The following MPRIP variants were observed in gnomAD, a reference collection of about 807,000 sequenced individuals.
MPRIP encodes the protein myosin phosphatase Rho-interacting protein.
A neutral mutation model predicts 234.9 loss-of-function variants in MPRIP; 59 were observed. The observed-to-expected ratio is 0.25, with a 90% confidence interval of 0.20 to 0.31. The LOEUF (loss-of-function observed/expected upper bound fraction) is 0.31, where lower values mean the gene tolerates loss of function less well. MPRIP is among the 10% of genes least tolerant of loss of function. The pLI, the probability that MPRIP is intolerant of heterozygous loss-of-function variation, is 1.00. For synonymous variants in MPRIP, 1,144 were observed against 1,263.9 expected, an observed-to-expected ratio of 0.91 and a Z score of 2.01; for missense variants, 2,436 against 3,071.0, an observed-to-expected ratio of 0.79 and a Z score of 4.89.
At chr17:17,162,211 C>A (rs1269742036) in intron 15 of MPRIP, among the ~76,000 whole-genome samples, 1 of 152,210 alleles carries the variant, frequency 6.6e-6, no homozygotes, top group African/African-American at 2.4e-5. Context: ...CTGCTACTGA[C>A]CCCCAAAGCA....
chr17:17,180,110 C>T (rs1419678133), intron 23 of MPRIP, 22 bp downstream of exon 23: 1 of 1,550,648 alleles, frequency 6.4e-7, no homozygotes, highest in Non-Finnish European at 8.7e-7. Context: ...GTCCAGCCCC[C>T]TGGTGGGAGG....
In MPRIP at chr17:17,165,054, C is replaced by G. The variant is rs1224873995; in HGVS notation, c.3463C>G (p.Gln1155Glu). 15 of 1,302,494 alleles carry G rather than the reference C, an allele frequency of 1.2e-5. No individual in the cohort carries two copies. The highest frequency in any genetic ancestry group is 1.3e-5 in the Non-Finnish European group (13 of 988,946). 80.7% of individuals were successfully genotyped at this position (1,302,494 alleles called of 1,614,324 possible). A position where few individuals can be genotyped will look rare whatever the true frequency, so the allele number is the denominator to read the frequency against. ...LEHSYQRVSSQLQSMHTLLRE... is the reference protein window; with the variant it reads ...LEHSYQRVSSELQSMHTLLRE... ...GCACTCCTACCAGAGGGTCTCCAGC[C>G]AGCTGCAGAGCATGCACACTCTGCT... is the stretch of plus-strand genomic sequence containing the variant. The change falls in exon 16 of 24, where the codon CAG becomes GAG. Residue 1155 changes from glutamine to glutamate, a missense_variant. By Grantham distance (29) the Gln-to-Glu change is conservative. This residue lies in a region of MPRIP where 1,998 missense variants were observed against 2,520.3 expected (regional missense o/e 0.79). Transcript: ENST00000651222.
At chr17:17,099,227 G>C (rs1185876262) in intron 3 of MPRIP, among the ~76,000 whole-genome samples, 2 of 152,134 alleles carry the variant, frequency 1.3e-5, no homozygotes, top group Non-Finnish European at 2.9e-5. Flanking sequence ...GTCCTCTGCA[G>C]TCCCCTTCTT....
At chr17:17,163,397 G>A (rs1051831194) in intron 15 of MPRIP, among the ~76,000 whole-genome samples, 17 of 152,202 alleles carry the variant, frequency 1.1e-4, no homozygotes, top group East Asian at 7.7e-4. Context: ...TTTCATTTAC[G>A]TTGTGTTTTG....
chr17:17,136,711 T>A lies in MPRIP; in HGVS notation c.736+261T>A, dbSNP rs80254594. Reference sequence around the variant, plus strand: ...CTCCTGTTCTGTCAGCCCCAGTTGCTTGTCAGGAGAATCAAAAACGTTTTG... The same window carrying A: ...CTCCTGTTCTGTCAGCCCCAGTTGCATGTCAGGAGAATCAAAAACGTTTTG... On this transcript the variant is annotated intron_variant, in intron 6 of 23. Transcript: ENST00000651222. Among the ~76,000 whole-genome samples the A allele has an allele frequency of 0.085, 13,015 of 152,274 alleles. 705 individuals are homozygous for A. The highest frequency in any genetic ancestry group is 0.15 in the Middle Eastern group (45 of 294).
At chr17:17,143,526 G>A (rs1421182393) in intron 8 of MPRIP, 30 bp from the exon 9 acceptor site, 4 of 1,490,782 alleles carry the variant, frequency 2.7e-6, no homozygotes, top group Non-Finnish European at 2.8e-6. Context: ...GCCCTGGGCT[G>A]CACTGACCAG....
intron 3 of MPRIP, among the ~76,000 whole-genome samples, chr17:17,104,873 C>T (rs1454727831): frequency 6.6e-6 from 1 of 152,142 alleles, no homozygotes; most frequent in Non-Finnish European, 1.5e-5. Context: ...TTTCCCTGAG[C>T]CCACTCTGGG....
chr17:17,128,145 C>A (rs2090529201), intron 4 of MPRIP, among the ~76,000 whole-genome samples: 1 of 152,238 alleles, frequency 6.6e-6, no homozygotes, highest in Non-Finnish European at 1.5e-5. Flanking sequence ...TCTGCACTTT[C>A]TGGCTCACAC....
chr17:17,153,746 A>G (rs1340147421), intron 12 of MPRIP, among the ~76,000 whole-genome samples: 3 of 152,000 alleles, frequency 2.0e-5, no homozygotes, highest in African/African-American at 7.2e-5. Flanking sequence ...CATCACTTGG[A>G]CAGCTGCAGT....
At chr17:17,049,267 G>T (rs2088455584) in intron 1 of MPRIP, among the ~76,000 whole-genome samples, 1 of 152,216 alleles carries the variant, frequency 6.6e-6, no homozygotes, top group South Asian at 2.1e-4. Context: ...AGATAAAAGT[G>T]CTGGTTGCAC....
chr17:17,047,853 G>T (rs1171037462), intron 1 of MPRIP, among the ~76,000 whole-genome samples: 1 of 152,188 alleles, frequency 6.6e-6, no homozygotes, highest in Non-Finnish European at 1.5e-5. Context: ...CTGAAATCAT[G>T]GGAGTGAGTG....
In MPRIP at chr17:17,145,047, C is replaced by T. The variant is rs150297478; in HGVS notation, c.1504-989C>T. ...GATTGGGTGCTTCAAATAACTCTGG[C>T]GGCAAGGACAGTTGCACAGCTTGGC... On this transcript the variant is annotated intron_variant, in intron 9 of 23. Coordinates refer to ENST00000651222, the MANE Select transcript of MPRIP (RefSeq NM_001364716.4). Among the ~76,000 whole-genome samples, 82 of 152,236 alleles carry T rather than the reference C, an allele frequency of 5.4e-4. 1 individual carries two copies. The highest frequency in any genetic ancestry group is 1.9e-3 in the African/African-American group (78 of 41,530).
In MPRIP at chr17:17,165,956, C is replaced by T; in HGVS notation, c.4365C>T (p.Ala1455=). The change falls in exon 16 of 24, where the codon GCC becomes GCT. Residue 1455 remains alanine (A), a synonymous_variant. Transcript: ENST00000651222. ...SQLEQERQER[A]RRVEGHVGEL... ...TGGAGCAGGAGAGGCAGGAGAGGGC[C>T]AGGAGGGTTGAAGGGCATGTTGGAG... The T allele has an allele frequency of 7.7e-7, 1 of 1,304,260 alleles. No homozygotes were observed. The highest frequency in any genetic ancestry group is 1.2e-5 in the South Asian group (1 of 81,004). The allele number at this position is 1,304,260 out of a possible 1,614,324, so 80.8% of individuals were successfully genotyped here.
chr17:17,091,256 T>A (rs2089709913), intron 3 of MPRIP, among the ~76,000 whole-genome samples: 1 of 151,858 alleles, frequency 6.6e-6, no homozygotes, highest in African/African-American at 2.4e-5. Context: ...GAAGGGGCCA[T>A]GAGAACGGTA....
At chr17:17,143,767 C>T in intron 9 of MPRIP, 98 bp downstream of exon 9, 1 of 727,030 alleles carries the variant, frequency 1.4e-6, no homozygotes, top group Non-Finnish European at 2.1e-6. Flanking sequence ...TGCCAGCTGT[C>T]CCTCTGTGCA....
At chr17:17,098,767 A>T (rs1214197436) in intron 3 of MPRIP, among the ~76,000 whole-genome samples, 6 of 152,266 alleles carry the variant, frequency 3.9e-5, no homozygotes, top group Non-Finnish European at 5.9e-5. Flanking sequence ...AGTCTGTGGG[A>T]AGCCTCCAAC....
In MPRIP at chr17:17,077,858, C is replaced by T. The variant is rs191392114; in HGVS notation, c.202-153C>T. Reference sequence around the variant, plus strand: ...CTGATGAATCAACATTCTTGTGCCTCGGGTCCCTCTTTTCCTGCCACCTGC... The same window carrying T: ...CTGATGAATCAACATTCTTGTGCCTTGGGTCCCTCTTTTCCTGCCACCTGC... On this transcript the variant is annotated intron_variant, in intron 2 of 23. Transcript: ENST00000651222. 1,410 of 707,034 alleles carry T rather than the reference C, an allele frequency of 2.0e-3. 3 individuals are homozygous for T. Among genetic ancestry groups the T allele is most frequent in the Non-Finnish European group, 3.2e-3 (1,265 of 397,804 alleles). The allele number at this position is 707,034 out of a possible 1,614,324, so 43.8% of individuals were successfully genotyped here.
At chr17:17,124,029 T>C (rs1350148592) in intron 3 of MPRIP, among the ~76,000 whole-genome samples, 1 of 152,124 alleles carries the variant, frequency 6.6e-6, no homozygotes, top group Non-Finnish European at 1.5e-5. Context: ...GCTTGGTATG[T>C]TTTTGCCTTT....
Position 17,125,751 on chromosome 17 carries a change from C to T in MPRIP, c.268-951C>T, listed in dbSNP as rs186095359. On this transcript the variant is annotated intron_variant, in intron 3 of 23. Transcript: ENST00000651222. ...CTCTGGGTGGAAGGCAGCCCAACTG[C>T]AGGCCACCCCTCAGATGGATCAGAA... 3.1e-3 allele frequency among the ~76,000 whole-genome samples: 475 copies of T among 152,348 alleles called. 3 individuals carry two copies. Among genetic ancestry groups the T allele is most frequent in the Non-Finnish European group, 4.7e-3 (323 of 68,032 alleles).
Sources: allele counts gnomAD v4.1 joint callset (sites outside exome capture counted in the v4.1 genomes callset), GRCh38; gene constraint gnomAD v4.1.1; regional missense constraint gnomAD v4.1.1; transcripts MANE v1.5; gene names NCBI Gene and HGNC (gene_info 2026-07-23, HGNC 2026-07-21).